Variants in POFUT3 observed in about 807,000 individuals in gnomAD.
POFUT3 encodes the protein GDP-fucose protein O-fucosyltransferase 3.
the POFUT3 span, among the ~76,000 whole-genome samples, chr8:33,316,441 C>A: frequency 6.6e-6 from 1 of 151,898 alleles, no homozygotes; most frequent in Non-Finnish European, 1.5e-5. Flanking sequence ...AAAATTTTAG[C>A]CAGGCACGGT....
chr8:33,388,564 TG>T, the POFUT3 span, among the ~76,000 whole-genome samples: 1 of 152,096 alleles, frequency 6.6e-6, no homozygotes, highest in Non-Finnish European at 1.5e-5. Flanking sequence ...CTCGAACCCC[TG>T]GGCTCAAGTG....
chr8:33,429,929 GA>G, the POFUT3 span, among the ~76,000 whole-genome samples: 1 of 150,522 alleles, frequency 6.6e-6, no homozygotes, highest in Non-Finnish European at 1.5e-5. Flanking sequence ...CCAGGAGGCA[GA>G]GGGTGCAGTG....
the POFUT3 span, among the ~76,000 whole-genome samples, chr8:33,311,652 C>G: frequency 1.3e-5 from 2 of 152,194 alleles, no homozygotes; most frequent in Non-Finnish European, 2.9e-5. Flanking sequence ...AAGGTGCACT[C>G]TACTGTAATT....
At chr8:33,322,595 G>A in the POFUT3 span, among the ~76,000 whole-genome samples, 1 of 152,036 alleles carries the variant, frequency 6.6e-6, no homozygotes, top group African/African-American at 2.4e-5. Flanking sequence ...AATAATGCAT[G>A]CATATTATAT....
At chr8:33,433,198 C>A in the POFUT3 span, among the ~76,000 whole-genome samples, 14 of 151,752 alleles carry the variant, frequency 9.2e-5, no homozygotes, top group African/African-American at 3.1e-4. Context: ...CACAACACTG[C>A]ACTTCACCTT....
the POFUT3 span, among the ~76,000 whole-genome samples, chr8:33,442,097 A>G: frequency 0.59 from 89,430 of 151,138 alleles, 26,619 homozygotes; most frequent in African/African-American, 0.64. Flanking sequence ...TTACAGGCGC[A>G]TGCCACCATG....
At chr8:33,413,006 C>T in the POFUT3 span, among the ~76,000 whole-genome samples, 6 of 137,188 alleles carry the variant, frequency 4.4e-5, no homozygotes, top group East Asian at 1.3e-3. Flanking sequence ...AAAAAGCACA[C>T]ACACACAAAC....
the POFUT3 span, among the ~76,000 whole-genome samples, chr8:33,381,436 C>T: frequency 6.6e-6 from 1 of 152,136 alleles, no homozygotes; most frequent in African/African-American, 2.4e-5. Context: ...ACCTAAGGTA[C>T]ATCTGTCTTT....
chr8:33,411,027 G>T, the POFUT3 span, among the ~76,000 whole-genome samples: 1 of 152,148 alleles, frequency 6.6e-6, no homozygotes, highest in Non-Finnish European at 1.5e-5. Context: ...GCCACTGGGT[G>T]TTATGGTCTG....
chr8:33,408,861 T>TA, the POFUT3 span, among the ~76,000 whole-genome samples: 2 of 151,976 alleles, frequency 1.3e-5, no homozygotes, highest in Non-Finnish European at 1.5e-5. Context: ...TTCTATATCT[T>TA]AATTGGGATG....
At chr8:33,406,346 A>G in the POFUT3 span, among the ~76,000 whole-genome samples, 2 of 152,244 alleles carry the variant, frequency 1.3e-5, no homozygotes, top group Non-Finnish European at 2.9e-5. Flanking sequence ...GTACATAAAA[A>G]TTCTGGAAGG....
At chr8:33,351,920 T>A in the POFUT3 span, among the ~76,000 whole-genome samples, 1 of 152,234 alleles carries the variant, frequency 6.6e-6, no homozygotes, top group African/African-American at 2.4e-5. Flanking sequence ...GGAATTTATA[T>A]GTCATCTAGT....
At chr8:33,461,215 G>A in the POFUT3 span, among the ~76,000 whole-genome samples, 2 of 69,388 alleles carry the variant, frequency 2.9e-5, no homozygotes, top group Admixed American at 1.4e-4. Context: ...GGGAGGGAGG[G>A]AGGGAGGGAG....
the POFUT3 span, among the ~76,000 whole-genome samples, chr8:33,454,258 G>A: frequency 6.6e-6 from 1 of 152,188 alleles, no homozygotes; most frequent in Non-Finnish European, 1.5e-5. Flanking sequence ...AAGACTCTAG[G>A]AGAGAAGCCT....
At chr8:33,337,088 AAAG>A in the POFUT3 span, among the ~76,000 whole-genome samples, 4 of 152,192 alleles carry the variant, frequency 2.6e-5, no homozygotes, top group Non-Finnish European at 5.9e-5. Flanking sequence ...GACCTCCTCT[AAAG>A]AAAGATAGGA....
the POFUT3 span, among the ~76,000 whole-genome samples, chr8:33,349,388 C>T: frequency 3.3e-5 from 5 of 152,184 alleles, no homozygotes; most frequent in Admixed American, 6.5e-5. Context: ...CATCACCTGA[C>T]CAGCGTACGC....
the POFUT3 span, among the ~76,000 whole-genome samples, chr8:33,348,408 C>G: frequency 6.6e-6 from 1 of 150,720 alleles, no homozygotes. Context: ...GAATTTCAAC[C>G]AAAAAAAAAG....
At chr8:33,349,619 C>T in the POFUT3 span, among the ~76,000 whole-genome samples, 3 of 152,128 alleles carry the variant, frequency 2.0e-5, no homozygotes, top group Non-Finnish European at 4.4e-5. Flanking sequence ...TATTTGGTTC[C>T]TTTTTATGGC....
At chr8:33,451,392 A>ATG in the POFUT3 span, among the ~76,000 whole-genome samples, 1 of 152,166 alleles carries the variant, frequency 6.6e-6, no homozygotes, top group African/African-American at 2.4e-5. Context: ...AAGTGTATGT[A>ATG]TGTATATACA....
Sources: allele counts gnomAD v4.1 joint callset (sites outside exome capture counted in the v4.1 genomes callset), GRCh38; gene constraint gnomAD v4.1.1; transcripts MANE v1.5; gene names NCBI Gene and HGNC (gene_info 2026-07-23, HGNC 2026-07-21).